OR56A3: variants seen among roughly 807,000 people sequenced by gnomAD.
OR56A3 encodes the protein olfactory receptor 56A3.
In OR56A3, 23 loss-of-function variants were observed where a neutral mutation model predicts 17.5. That is an observed-to-expected ratio of 1.32 (90% CI 0.95 to 1.87). The LOEUF (loss-of-function observed/expected upper bound fraction) is 1.87, where lower values mean the gene tolerates loss of function less well. Among genes scored for constraint, OR56A3 ranks in the 40% most tolerant of loss-of-function variants. OR56A3 has a pLI of 0.00. For synonymous variants in OR56A3, 175 were observed against 150.6 expected (o/e 1.16, Z -1.19); for missense variants, 366 against 380.1 (o/e 0.96, Z 0.31).
chr11:5,974,604 C>G, the OR56A3 span, among the ~76,000 whole-genome samples: 6 of 152,160 alleles, frequency 3.9e-5, no homozygotes, highest in African/African-American at 1.4e-4. Flanking sequence ...TTAAATGTAG[C>G]ATGGAATGGC....
At chr11:5,956,327 G>A (rs1190258354), downstream of OR56A3, among the ~76,000 whole-genome samples, 1 of 152,128 alleles carries the variant, frequency 6.6e-6, no homozygotes, top group African/African-American at 2.4e-5. Context: ...CAGCTTCAAA[G>A]AGTGTGTTTA....
chr11:5,967,709 G>A, the OR56A3 span: 1 of 1,613,250 alleles, frequency 6.2e-7, no homozygotes, highest in Non-Finnish European at 8.5e-7. Context: ...GGTTAGTGAT[G>A]ACCAGAACCA....
the OR56A3 span, chr11:5,986,153 C>T: frequency 1.4e-5 from 23 of 1,613,814 alleles, no homozygotes; most frequent in Middle Eastern, 1.6e-4. Flanking sequence ...ATATGAGAGC[C>T]ACATGTGCTA....
chr11:5,943,419 A>G (rs1285631603), intron 1 of OR56A3: 2 of 151,826 alleles, frequency 1.3e-5, no homozygotes, highest in Non-Finnish European at 2.9e-5. Flanking sequence ...TCTACTTCCA[A>G]GCACAAAACA....
At chr11:6,006,602 G>A in the OR56A3 span, among the ~76,000 whole-genome samples, 2 of 152,194 alleles carry the variant, frequency 1.3e-5, no homozygotes, top group African/African-American at 4.8e-5. Context: ...TGAATGTAGG[G>A]AAGAAAGGAA....
At chr11:5,990,270 A>G in the OR56A3 span, among the ~76,000 whole-genome samples, 1 of 152,358 alleles carries the variant, frequency 6.6e-6, no homozygotes, top group Non-Finnish European at 1.5e-5. Flanking sequence ...AGTGTCTTAA[A>G]AGACTGAGAA....
At chr11:5,986,926 G>T in the OR56A3 span, 924 of 1,611,900 alleles carry the variant, frequency 5.7e-4, 7 homozygotes, top group African/African-American at 0.011. Flanking sequence ...AGAAACCAAA[G>T]TCATGATTTC....
At chr11:5,958,261 T>C in the OR56A3 span, among the ~76,000 whole-genome samples, 3 of 152,118 alleles carry the variant, frequency 2.0e-5, no homozygotes, top group Non-Finnish European at 4.4e-5. Context: ...AAAACTAAGA[T>C]TTTAATAGAT....
At position 5,948,050 on chromosome 11, in the gene OR56A3, AG is replaced by A. The variant is rs1372766447; in HGVS notation, c.707del (p.Gly236ValfsTer7). 9 of 1,614,114 alleles carry A rather than the reference AG, an allele frequency of 5.6e-6. No individual in the cohort carries two copies. The highest frequency in any genetic ancestry group is 7.6e-6 in the Non-Finnish European group (9 of 1,180,056). ...ILRAVLRLKA[E>X]GAVAKALSTC... ...CGAGCTGTGCTGAGACTCAAGGCAGAGGGTGCCGTGGCAAAGGCCCTAAGCA... is the reference window on the plus strand; with the variant it reads ...CGAGCTGTGCTGAGACTCAAGGCAGAGGTGCCGTGGCAAAGGCCCTAAGCA... On this transcript the variant is annotated frameshift_variant, in exon 3 of 3. Coordinates refer to ENST00000641160, the MANE Select transcript of OR56A3 (RefSeq NM_001003443.3). LOFTEE classifies it high-confidence loss of function.
chr11:5,994,282 A>T, the OR56A3 span: 1 of 618,378 alleles, frequency 1.6e-6, no homozygotes, highest in Non-Finnish European at 3.0e-6. Context: ...CAGCTCCATG[A>T]GTGTCATCTC....
At chr11:5,996,506 GTT>G in the OR56A3 span, among the ~76,000 whole-genome samples, 38 of 143,426 alleles carry the variant, frequency 2.6e-4, no homozygotes, top group East Asian at 4.1e-4. Context: ...AACCAGTGAA[GTT>G]TTTTTTTTTT....
At chr11:5,963,949 C>G in the OR56A3 span, among the ~76,000 whole-genome samples, 1 of 151,970 alleles carries the variant, frequency 6.6e-6, no homozygotes, top group African/African-American at 2.4e-5. Flanking sequence ...TTTTCAATAA[C>G]CTTTCTGTCT....
chr11:5,960,929 C>T, the OR56A3 span, among the ~76,000 whole-genome samples: 2 of 150,216 alleles, frequency 1.3e-5, no homozygotes, highest in Admixed American at 6.6e-5. Flanking sequence ...TGTCTGGGAA[C>T]TGAGGAGTGT....
Position 5,948,713 on chromosome 11 carries a change from C to T in OR56A3, c.*419C>T, listed in dbSNP as rs1847890039. 2 of 167,248 alleles carry T rather than the reference C, an allele frequency of 1.2e-5. No homozygotes were observed. Among genetic ancestry groups the T allele is most frequent in the African/African-American group, 4.8e-5 (2 of 41,582 alleles). 10.4% of individuals were successfully genotyped at this position (167,248 alleles called of 1,614,324 possible). A position where few individuals can be genotyped will look rare whatever the true frequency, so the allele number is the denominator to read the frequency against. On this transcript the variant is annotated 3_prime_UTR_variant, in exon 3 of 3. Transcript: ENST00000641160. ...AAAGGGAATACATTGGAGAAAAAAA[C>T]ACAGTAGTTGAAATTTCAGTCCTCA...
the OR56A3 span, chr11:5,994,466 GT>G: frequency 1.3e-6 from 1 of 747,436 alleles, no homozygotes; most frequent in Non-Finnish European, 2.4e-6. Context: ...TGTCTCCATG[GT>G]CAACCCAGAG....
chr11:5,967,622 G>T, the OR56A3 span: 1 of 1,613,974 alleles, frequency 6.2e-7, no homozygotes, highest in Middle Eastern at 1.6e-4. Context: ...AAACAATGGG[G>T]TTCAGAGCTG....
the OR56A3 span, among the ~76,000 whole-genome samples, chr11:5,979,810 G>T: frequency 7.9e-5 from 12 of 151,648 alleles, no homozygotes; most frequent in Non-Finnish European, 8.9e-5. Context: ...TTAAACTTTT[G>T]ATGTGAGCAT....
the OR56A3 span, chr11:6,021,498 T>C: frequency 6.6e-6 from 1 of 152,096 alleles, no homozygotes; most frequent in Admixed American, 6.6e-5. Context: ...TTCATAAATA[T>C]GTATAATTAT....
intron 1 of OR56A3, among the ~76,000 whole-genome samples, chr11:5,943,716 C>T (rs1488481579): frequency 2.6e-5 from 4 of 152,068 alleles, no homozygotes; most frequent in Non-Finnish European, 2.9e-5. Flanking sequence ...ATCAAGAATG[C>T]AATCCTAGTT....
Sources: gnomAD v4.1 joint callset for allele counts (sites outside exome capture counted in the v4.1 genomes callset) on GRCh38, gnomAD v4.1.1 for gene constraint, MANE v1.5 for transcripts, NCBI Gene and HGNC (gene_info 2026-07-23, HGNC 2026-07-21) for gene names.